TESC: variants seen among roughly 807,000 people sequenced by gnomAD.
TESC encodes the protein calcineurin B homologous protein 3.
In TESC, 19 loss-of-function variants were observed where a neutral mutation model predicts 31.0. The observed-to-expected ratio is 0.61, with a 90% CI of 0.43 to 0.90. The LOEUF is 0.90. Ranked by LOEUF, TESC falls within the 40% of genes least tolerant of loss-of-function variation. The pLI is 0.00. For synonymous variants in TESC, 109 were observed against 114.8 expected, an observed-to-expected ratio of 0.95 and a Z score of 0.32; for missense variants, 248 against 303.8, an observed-to-expected ratio of 0.82 and a Z score of 1.36.
At chr12:117,093,159 GT>G (rs1297021309) in intron 1 of TESC, among the ~76,000 whole-genome samples, 1 of 152,148 alleles carries the variant, frequency 6.6e-6, no homozygotes, top group Non-Finnish European at 1.5e-5. Flanking sequence ...GTGCTCCCCT[GT>G]CCCCCTGGAA....
chr12:117,049,022 T>A lies in TESC; in HGVS notation c.346A>T (p.Arg116Ter). Residue 116 changes from arginine (R) to a stop codon, truncating the protein, a stop_gained, in exon 4 of 8, where the codon AGA becomes TGA. Transcript: ENST00000335209. LOFTEE classifies it high-confidence loss of function. ...QVELSRKEKL[R>*]FLFHMYDSDS... ...AAGGGGACTCAGTGGCACGCACATC[T>A]CAGCTTCTCCTTCCGGGACAGCTCC... 6.2e-7 allele frequency: 1 copy of A among 1,614,142 alleles called. No homozygotes were observed. The highest frequency in any genetic ancestry group is 8.5e-7 in the Non-Finnish European group (1 of 1,180,004).
At chr12:117,075,911 ATATGTGTG>A (rs1170191090) in intron 1 of TESC, among the ~76,000 whole-genome samples, 1 of 59,050 alleles carries the variant, frequency 1.7e-5, no homozygotes, top group African/African-American at 1.1e-4. Flanking sequence ...ATATATATAT[ATATGTGTG>A]TGTGTATATA....
intron 1 of TESC, among the ~76,000 whole-genome samples, chr12:117,092,697 G>A (rs1050536383): frequency 2.0e-5 from 3 of 152,232 alleles, no homozygotes; most frequent in African/African-American, 7.2e-5. Flanking sequence ...GAGGGAGCCT[G>A]AGGTGGGAGG....
At chr12:117,047,160 C>T (rs1310858650) in intron 4 of TESC, among the ~76,000 whole-genome samples, 2 of 152,230 alleles carry the variant, frequency 1.3e-5, no homozygotes, top group Non-Finnish European at 2.9e-5. Flanking sequence ...ATGAATATCA[C>T]GACAGTAAGC....
chr12:117,097,233 G>A (rs528582870), intron 1 of TESC, among the ~76,000 whole-genome samples: 149 of 152,262 alleles, frequency 9.8e-4, no homozygotes, highest in African/African-American at 3.3e-3. Flanking sequence ...CCTCCTCTCC[G>A]ACCCTCTCCA....
intron 1 of TESC, among the ~76,000 whole-genome samples, chr12:117,087,976 T>G (rs983862050): frequency 6.6e-6 from 1 of 152,220 alleles, no homozygotes; most frequent in Non-Finnish European, 1.5e-5. Flanking sequence ...TGCCTCCCTT[T>G]TAGGGTGGTA....
At chr12:117,084,224 A>C (rs1955186631) in intron 1 of TESC, 1 of 152,200 alleles carries the variant, frequency 6.6e-6, no homozygotes, top group African/African-American at 2.4e-5. Flanking sequence ...CAATGTAAAA[A>C]CTGTTTAACC....
chr12:117,048,653 C>A (rs1430062965), intron 4 of TESC: 4 of 468,546 alleles, frequency 8.5e-6, no homozygotes, highest in Non-Finnish European at 1.7e-5. Context: ...TCTTACCCAG[C>A]CCTCAGAACC....
chr12:117,042,480 A>G (rs1012440599), intron 6 of TESC, among the ~76,000 whole-genome samples: 6 of 152,180 alleles, frequency 3.9e-5, no homozygotes, highest in African/African-American at 1.4e-4. Flanking sequence ...AAGCTCACAG[A>G]CCTCAGGGGA....
rs1482389267 is a variant in TESC at position 117,039,106 on chromosome 12, C to T, written c.*27G>A. 1.2e-6 allele frequency: 2 copies of T among 1,611,942 alleles called. No homozygotes were observed. The highest frequency in any genetic ancestry group is 1.7e-6 in the Non-Finnish European group (2 of 1,179,054). On this transcript the variant is annotated 3_prime_UTR_variant, in exon 8 of 8. Coordinates refer to ENST00000335209, the MANE Select transcript of TESC (RefSeq NM_017899.4). ...GGGGAGGCGGCCCCATTGCAAAGTG[C>T]AGTTTCTCCGCGGAGGTGGCGGTGG...
intron 3 of TESC, 32 bp downstream of exon 3, chr12:117,056,774 G>A: frequency 1.9e-6 from 3 of 1,604,260 alleles, no homozygotes; most frequent in Non-Finnish European, 2.6e-6. Context: ...AAGGGTGCCT[G>A]CCACTGGGCT....
At chr12:117,073,086 G>C (rs143039395) in intron 2 of TESC, among the ~76,000 whole-genome samples, 1 of 152,188 alleles carries the variant, frequency 6.6e-6, no homozygotes, top group African/African-American at 2.4e-5. Context: ...CTAGATCTCA[G>C]TGCCTGGCTG....
At chr12:117,080,536 G>A (rs979195574) in intron 1 of TESC, among the ~76,000 whole-genome samples, 2 of 152,172 alleles carry the variant, frequency 1.3e-5, no homozygotes, top group Non-Finnish European at 2.9e-5. Flanking sequence ...GGATTAGGAA[G>A]ACAACCTCCC....
intron 2 of TESC, among the ~76,000 whole-genome samples, chr12:117,066,982 G>A (rs188042303): frequency 9.2e-5 from 14 of 152,200 alleles, no homozygotes; most frequent in African/African-American, 3.1e-4. Context: ...GAACGCCTCC[G>A]CACCTTTTCA....
chr12:117,077,633 CA>C (rs1030325766), intron 1 of TESC, among the ~76,000 whole-genome samples: 1 of 152,184 alleles, frequency 6.6e-6, no homozygotes, highest in Non-Finnish European at 1.5e-5. Context: ...AGCAGCCAGA[CA>C]GGAAAGTGTA....
intron 1 of TESC, among the ~76,000 whole-genome samples, chr12:117,098,189 T>C (rs907957794): frequency 2.1e-4 from 32 of 152,178 alleles, no homozygotes; most frequent in African/African-American, 7.0e-4. Context: ...TTGAAGCAGG[T>C]GCCAGGAGCT....
At chr12:117,043,078 G>GA (rs1954508040) in intron 6 of TESC, among the ~76,000 whole-genome samples, 1 of 152,044 alleles carries the variant, frequency 6.6e-6, no homozygotes, top group Admixed American at 6.5e-5. Flanking sequence ...CCAACAAGCA[G>GA]AAAGATGTCT....
chr12:117,086,316 G>C (rs180786761), intron 1 of TESC, among the ~76,000 whole-genome samples: 186 of 152,134 alleles, frequency 1.2e-3, no homozygotes, highest in Non-Finnish European at 2.2e-3. Context: ...TGGCCAGGCT[G>C]GTCTCAAACT....
At chr12:117,097,653 TTGAG>T (rs985024990) in intron 1 of TESC, among the ~76,000 whole-genome samples, 48 of 152,242 alleles carry the variant, frequency 3.2e-4, no homozygotes, top group African/African-American at 1.2e-3. Flanking sequence ...ATAAAACTTT[TTGAG>T]TAAGTAAAAT....
Sources: gnomAD v4.1 joint callset for allele counts (sites outside exome capture counted in the v4.1 genomes callset) on GRCh38, gnomAD v4.1.1 for gene constraint, MANE v1.5 for transcripts, NCBI Gene and HGNC (gene_info 2026-07-23, HGNC 2026-07-21) for gene names.